Variants in PLEKHA5 observed in about 807,000 individuals in gnomAD.
The protein encoded by PLEKHA5 is pleckstrin homology domain containing A5.
PLEKHA5 carries 55 observed loss-of-function variants against 181.9 expected under a neutral mutation model. That is an observed-to-expected ratio of 0.30 (90% CI 0.24 to 0.38). The LOEUF (loss-of-function observed/expected upper bound fraction) is 0.38. Among genes scored for constraint, PLEKHA5 ranks in the 10% least tolerant of loss-of-function variants. PLEKHA5 has a pLI of 1.00. For missense variants in PLEKHA5, 1,432 were observed against 1,549.5 expected (o/e 0.92, Z 1.27); for synonymous variants, 535 against 529.4 (o/e 1.01, Z -0.15).
intron 3 of PLEKHA5, chr12:19,176,336 G>C (rs1043670409): frequency 1.5e-4 from 22 of 150,134 alleles, no homozygotes; most frequent in African/African-American, 5.4e-4. Context: ...AGTGCTGTTC[G>C]CGGGCACAAT....
At chr12:19,354,143 CTTT>C (rs750923063) in intron 26 of PLEKHA5, 141 bp downstream of exon 26, 88 of 74,846 alleles carry the variant, frequency 1.2e-3, no homozygotes, top group South Asian at 9.2e-3. Flanking sequence ...ATTCTTTATT[CTTT>C]TTTTTTTTTT....
intron 3 of PLEKHA5, among the ~76,000 whole-genome samples, chr12:19,240,516 C>G (rs2062340801): frequency 6.7e-6 from 1 of 150,170 alleles, no homozygotes; most frequent in Non-Finnish European, 1.5e-5. Context: ...TCATAGCTCA[C>G]TGCAGCCTTG....
At chr12:19,288,327 A>T (rs1312821273) in intron 13 of PLEKHA5, among the ~76,000 whole-genome samples, 1 of 152,234 alleles carries the variant, frequency 6.6e-6, no homozygotes, top group Non-Finnish European at 1.5e-5. Context: ...GCGTTCGATC[A>T]AAGCAAGTAT....
rs534772486 is a variant in PLEKHA5 at position 19,342,503 on chromosome 12, A to C, written c.2551-820A>C. Among the ~76,000 whole-genome samples the C allele has an allele frequency of 3.3e-5, 5 of 152,300 alleles. No homozygotes were observed. The East Asian group carries it at 9.7e-4, about 29-fold the overall frequency. ...GAAACCCCATCTCTACTAAAAATAC[A>C]AAATTAGCCGGGTGTGGTGGCACAT... On this transcript the variant is annotated intron_variant, in intron 21 of 31. Transcript: ENST00000429027.
chr12:19,223,332 G>C (rs549310873), intron 3 of PLEKHA5, among the ~76,000 whole-genome samples: 1 of 152,108 alleles, frequency 6.6e-6, no homozygotes, highest in Non-Finnish European at 1.5e-5. Flanking sequence ...AATTTCAGCT[G>C]TTAAAATGTT....
chr12:19,306,128 G>A (rs1254199195), intron 15 of PLEKHA5, among the ~76,000 whole-genome samples: 1 of 152,068 alleles, frequency 6.6e-6, no homozygotes, highest in Non-Finnish European at 1.5e-5. Flanking sequence ...CAAAACTGCT[G>A]AAGAGGCCAG....
At chr12:19,238,213 T>C (rs1414973152) in intron 3 of PLEKHA5, among the ~76,000 whole-genome samples, 2 of 152,098 alleles carry the variant, frequency 1.3e-5, no homozygotes. Context: ...ACTAAATATG[T>C]TAAATATTTT....
At chr12:19,268,649 A>G (rs2071407059) in intron 8 of PLEKHA5, among the ~76,000 whole-genome samples, 1 of 152,206 alleles carries the variant, frequency 6.6e-6, no homozygotes, top group Non-Finnish European at 1.5e-5. Flanking sequence ...GTACTTTGAC[A>G]TCATCTAGTA....
intron 3 of PLEKHA5, among the ~76,000 whole-genome samples, chr12:19,184,557 T>C (rs1291982946): frequency 6.6e-6 from 1 of 152,158 alleles, no homozygotes; most frequent in Non-Finnish European, 1.5e-5. Flanking sequence ...TGTGAAAGCA[T>C]ACCCCTGTCT....
Position 19,314,409 on chromosome 12 carries a change from A to G in PLEKHA5, c.2038-405A>G, listed in dbSNP as rs544949885. Among the ~76,000 whole-genome samples the G allele has an allele frequency of 2.6e-3, 394 of 152,226 alleles. 10 individuals are homozygous for G. The highest frequency in any genetic ancestry group is 6.8e-3 in the Middle Eastern group (2 of 294). On this transcript the variant is annotated intron_variant, in intron 15 of 31. Transcript: ENST00000429027. ...TTTTTATAACCTTACACAGAACTGAATATCATTTTCAGCTTTATTACTGAA... is the reference window on the plus strand; with the variant it reads ...TTTTTATAACCTTACACAGAACTGAGTATCATTTTCAGCTTTATTACTGAA...
intron 30 of PLEKHA5, among the ~76,000 whole-genome samples, chr12:19,368,051 A>G (rs530403417): frequency 1.3e-5 from 2 of 152,140 alleles, no homozygotes; most frequent in South Asian, 4.1e-4. Flanking sequence ...CGTATCTTAT[A>G]TAAATATAAC....
At chr12:19,255,884 GA>G (rs60570882) in intron 5 of PLEKHA5, among the ~76,000 whole-genome samples, 1,144 of 91,836 alleles carry the variant, frequency 0.012, 6 homozygotes, top group Non-Finnish European at 0.018. Flanking sequence ...TGGAAGATTT[GA>G]AAAAAAAAAA....
At chr12:19,369,359 T>G (rs917254766) in intron 30 of PLEKHA5, among the ~76,000 whole-genome samples, 44 of 148,954 alleles carry the variant, frequency 3.0e-4, no homozygotes, top group Non-Finnish European at 4.9e-4. Context: ...TTTTAAGTAG[T>G]TGTCAGGAAA....
At chr12:19,246,895 G>A (rs1311498352) in intron 3 of PLEKHA5, among the ~76,000 whole-genome samples, 2 of 152,030 alleles carry the variant, frequency 1.3e-5, no homozygotes, top group Non-Finnish European at 2.9e-5. Flanking sequence ...AATGAAATAG[G>A]CCCCTCACTT....
chr12:19,254,930 T>A (rs1350658487), intron 4 of PLEKHA5, 115 bp from the exon 5 acceptor site: 3 of 850,810 alleles, frequency 3.5e-6, no homozygotes, highest in Non-Finnish European at 5.2e-6. Context: ...CTAGAGTAAC[T>A]AGGATCCAAG....
chr12:19,163,841 A>G (rs2043586000), intron 3 of PLEKHA5, among the ~76,000 whole-genome samples: 1 of 152,200 alleles, frequency 6.6e-6, no homozygotes, highest in Admixed American at 6.5e-5. Context: ...TAGAGGTTAC[A>G]CAACCACACC....
chr12:19,265,616 T>A (rs181601838), intron 7 of PLEKHA5, 134 bp from the exon 8 acceptor site: 9 of 584,656 alleles, frequency 1.5e-5, no homozygotes, highest in Non-Finnish European at 2.8e-5. Context: ...TTTAAAACCT[T>A]ATAAAGGCCT....
At chr12:19,131,213 T>C (rs2033714038) in intron 2 of PLEKHA5, among the ~76,000 whole-genome samples, 1 of 152,136 alleles carries the variant, frequency 6.6e-6, no homozygotes, top group Non-Finnish European at 1.5e-5. Flanking sequence ...GCCTCTGGGG[T>C]ACATTCTCTC....
rs200690588 is a variant in PLEKHA5, at chr12:19,185,092, C to CT, written c.227+52654dup. Among the ~76,000 whole-genome samples the CT allele has an allele frequency of 7.8e-3, 1,133 of 145,822 alleles. 4 individuals are homozygous for CT. Among genetic ancestry groups the CT allele is most frequent in the Middle Eastern group, 0.029 (8 of 280 alleles). ...TTAGAAATGTACTTCTTCTCTATAC[C>CT]TTTTTTTTTTTTCTTTTAACATTGG... On this transcript the variant is annotated intron_variant, in intron 3 of 31. Coordinates refer to ENST00000429027, the MANE Select transcript of PLEKHA5 (RefSeq NM_001256470.2).
Sources: allele counts gnomAD v4.1 joint callset (sites outside exome capture counted in the v4.1 genomes callset), GRCh38; gene constraint gnomAD v4.1.1; transcripts MANE v1.5; gene names NCBI Gene and HGNC (gene_info 2026-07-23, HGNC 2026-07-21).